The following PTCD2 variants were observed in gnomAD, a reference collection of about 807,000 sequenced individuals.
The protein encoded by PTCD2 is pentatricopeptide repeat-containing protein 2, mitochondrial.
Under a neutral mutation model 42.6 loss-of-function variants are expected in PTCD2, and 31 were observed. The observed-to-expected ratio is 0.73, with a 90% CI of 0.55 to 0.98. PTCD2 has a LOEUF of 0.98. Among genes scored for constraint, PTCD2 ranks in the 50% least tolerant of loss-of-function variants. The pLI is 0.00. For missense variants in PTCD2, 476 were observed against 454.8 expected (o/e 1.05, Z -0.42); for synonymous variants, 183 against 170.9 (o/e 1.07, Z -0.55).
intron 9 of PTCD2, among the ~76,000 whole-genome samples, chr5:72,356,444 G>A (rs1268656328): frequency 2.6e-5 from 4 of 152,170 alleles, no homozygotes; most frequent in Non-Finnish European, 5.9e-5. Context: ...TAGCTTTTGA[G>A]CTAGTTCTAA....
rs1753205062 is a variant in PTCD2 at position 72,366,328 on chromosome 5, TAAAG to T, written c.*7905_*7908del. 6.6e-6 allele frequency: 1 copy of T among 152,238 alleles called. No homozygotes were observed. The highest frequency in any genetic ancestry group is 1.9e-4 in the East Asian group (1 of 5,202). 9.4% of individuals were successfully genotyped at this position (152,238 alleles called of 1,614,324 possible). A position where few individuals can be genotyped will look rare whatever the true frequency, so the allele number is the denominator to read the frequency against. ...AAGTACTATTATGCCATTTCTCAGA[TAAAG>T]AAACTGAAGCTCAGAGACGTTTAGT... On this transcript the variant is annotated 3_prime_UTR_variant, in exon 10 of 10. Transcript: ENST00000380639.
chr5:72,343,175 T>C (rs1752163940), intron 8 of PTCD2, 139 bp downstream of exon 8: 1 of 435,244 alleles, frequency 2.3e-6, no homozygotes, highest in South Asian at 6.2e-5. Flanking sequence ...AATAGTCATT[T>C]ATTGAATTCC....
At chr5:72,331,217 G>T (rs372268428) in intron 3 of PTCD2, 41 bp from the exon 4 acceptor site, 1 of 1,294,484 alleles carries the variant, frequency 7.7e-7, no homozygotes, top group Admixed American at 1.7e-5. Flanking sequence ...CCTTTTTCCT[G>T]TGTCCTACCT....
intron 9 of PTCD2, among the ~76,000 whole-genome samples, chr5:72,357,604 C>A (rs1752939937): frequency 6.6e-6 from 1 of 152,236 alleles, no homozygotes; most frequent in African/African-American, 2.4e-5. Flanking sequence ...TGTAATTTGG[C>A]CCTGCCTCCT....
At chr5:72,333,858 T>G (rs902107930) in intron 4 of PTCD2, among the ~76,000 whole-genome samples, 1 of 152,172 alleles carries the variant, frequency 6.6e-6, no homozygotes, top group African/African-American at 2.4e-5. Flanking sequence ...TACTGTTTTT[T>G]GGGGTTTTTT....
chr5:72,365,414 C>T lies in PTCD2; in HGVS notation c.*6987C>T, dbSNP rs1753176959. On this transcript the variant is annotated 3_prime_UTR_variant, in exon 10 of 10. Coordinates refer to ENST00000380639, the MANE Select transcript of PTCD2 (RefSeq NM_024754.5). Reference sequence around the variant, plus strand: ...CTGTCTTTCAATCCCCAAAGTAGCCCTTACCCCTAGACAGCAACATCATCT... The same window carrying T: ...CTGTCTTTCAATCCCCAAAGTAGCCTTTACCCCTAGACAGCAACATCATCT... 1 of 152,208 alleles carries T rather than the reference C, an allele frequency of 6.6e-6. No homozygotes were observed. Among genetic ancestry groups the T allele is most frequent in the African/African-American group, 2.4e-5 (1 of 41,434 alleles). The allele number at this position is 152,208 out of a possible 1,614,324, so 9.4% of individuals were successfully genotyped here.
intron 1 of PTCD2, 35 bp downstream of exon 1, chr5:72,320,544 G>A (rs1750763653): frequency 6.2e-7 from 1 of 1,611,658 alleles, no homozygotes; most frequent in Non-Finnish European, 8.5e-7. Flanking sequence ...AGGAGGGGAG[G>A]GATGGGAGAG....
rs576598219 is a variant in PTCD2 at position 72,326,921 on chromosome 5, T to TA, written c.350+181dup. ...ATTCACTTATTGTTGAGCACACACT[T>TA]ACTGGGTTCCTACTATATGCTGGGT... On this transcript the variant is annotated intron_variant, in intron 3 of 9. Transcript: ENST00000380639. 1.4e-3 allele frequency among the ~76,000 whole-genome samples: 207 copies of TA among 152,302 alleles called. 1 individual carries two copies. Among genetic ancestry groups the TA allele is most frequent in the Middle Eastern group, 3.4e-3 (1 of 294 alleles).
In PTCD2 at chr5:72,326,630, T is replaced by G. The variant is rs773454674; in HGVS notation, c.239T>G (p.Leu80Trp). 1 of 1,614,116 alleles carries G rather than the reference T, an allele frequency of 6.2e-7. No homozygotes were observed. The highest frequency in any genetic ancestry group is 8.5e-7 in the Non-Finnish European group (1 of 1,180,000). ...SGTKETYFRN[L>W]KKKLTQNKLI... Reference sequence around the variant, plus strand: ...CTTCCAGAAACGTATTTTAGAAACTTGAAAAAGAAACTGACCCAGAACAAG... The same window carrying G: ...CTTCCAGAAACGTATTTTAGAAACTGGAAAAAGAAACTGACCCAGAACAAG... Residue 80 changes from leucine (L) to tryptophan (W), a missense_variant, in exon 3 of 10, where the codon TTG becomes TGG. Physicochemically the swap from Leu to Trp is moderately conservative, Grantham distance 61. Transcript: ENST00000380639.
chr5:72,342,848 G>T (rs1752144571), intron 7 of PTCD2, 114 bp from the exon 8 acceptor site: 1 of 466,874 alleles, frequency 2.1e-6, no homozygotes, highest in Non-Finnish European at 3.7e-6. Context: ...TATCTTTGTG[G>T]ACTTCAAAAC....
intron 8 of PTCD2, among the ~76,000 whole-genome samples, chr5:72,351,518 GA>G (rs1752620457): frequency 6.6e-6 from 1 of 152,190 alleles, no homozygotes. Flanking sequence ...AGAATTGCCA[GA>G]GATTGGGTAA....
intron 9 of PTCD2, among the ~76,000 whole-genome samples, chr5:72,354,030 A>G (rs1752743763): frequency 1.3e-5 from 2 of 152,188 alleles, no homozygotes; most frequent in African/African-American, 4.8e-5. Flanking sequence ...CATGTGGCAA[A>G]AAGTCTACAA....
At chr5:72,347,993 C>T (rs1752445083) in intron 8 of PTCD2, among the ~76,000 whole-genome samples, 1 of 152,258 alleles carries the variant, frequency 6.6e-6, no homozygotes, top group South Asian at 2.1e-4. Flanking sequence ...CTCTGAACTG[C>T]GTCACAGAAT....
At chr5:72,325,091 T>C (rs766173754) in intron 2 of PTCD2, among the ~76,000 whole-genome samples, 6 of 152,026 alleles carry the variant, frequency 3.9e-5, no homozygotes, top group Non-Finnish European at 8.8e-5. Context: ...CCTGGCTACT[T>C]TTTGTATTTT....
At chr5:72,335,940 A>AT in intron 6 of PTCD2, 55 bp downstream of exon 6, 1 of 1,001,212 alleles carries the variant, frequency 1.0e-6, no homozygotes, top group South Asian at 1.5e-5. Context: ...TTGAGAGAGG[A>AT]TTTTTCTTCT....
chr5:72,329,906 T>C (rs575691372), intron 3 of PTCD2, among the ~76,000 whole-genome samples: 1 of 152,096 alleles, frequency 6.6e-6, no homozygotes, highest in Non-Finnish European at 1.5e-5. Context: ...ATAAGTGTTG[T>C]AATGAAGCAA....
rs1182452363 is a variant in PTCD2 at position 72,365,236 on chromosome 5, CGGTCTGTGAACT to C, written c.*6823_*6834del. On this transcript the variant is annotated 3_prime_UTR_variant, in exon 10 of 10. Transcript: ENST00000380639. ...CTCTGAGATGGCCTGCAAGGCATCA[CGGTCTGTGAACT>C]GGTCTGTGAACTGCGGGCCTGCCTG... 2.0e-5 allele frequency: 3 copies of C among 152,294 alleles called. No homozygotes were observed. The highest frequency in any genetic ancestry group is 4.4e-5 in the Non-Finnish European group (3 of 68,138). The allele number at this position is 152,294 out of a possible 1,614,324, so 9.4% of individuals were successfully genotyped here.
At chr5:72,327,008 T>C (rs1751177125) in intron 3 of PTCD2, among the ~76,000 whole-genome samples, 1 of 152,190 alleles carries the variant, frequency 6.6e-6, no homozygotes, top group Middle Eastern at 3.2e-3. Flanking sequence ...CACTGACATA[T>C]CCCCTAGGTC....
chr5:72,358,853 A>C lies in PTCD2; in HGVS notation c.*426A>C, dbSNP rs1010504113. ...GAAACCCTATTTTACCATGTTAGAA[A>C]ACAGCCCAGGATTTTCTCATTGCTC... is the stretch of plus-strand genomic sequence containing the variant. On this transcript the variant is annotated 3_prime_UTR_variant, in exon 10 of 10. Coordinates refer to ENST00000380639, the MANE Select transcript of PTCD2 (RefSeq NM_024754.5). 5.2e-6 allele frequency: 1 copy of C among 192,808 alleles called. No homozygotes were observed. The highest frequency in any genetic ancestry group is 2.3e-5 in the African/African-American group (1 of 42,612). 11.9% of individuals were successfully genotyped at this position (192,808 alleles called of 1,614,324 possible).
Sources: gnomAD v4.1 joint callset for allele counts (sites outside exome capture counted in the v4.1 genomes callset) on GRCh38, gnomAD v4.1.1 for gene constraint, MANE v1.5 for transcripts, NCBI Gene and HGNC (gene_info 2026-07-23, HGNC 2026-07-21) for gene names.